The following SCP2 variants were observed in gnomAD, a reference collection of about 807,000 sequenced individuals.
The protein encoded by SCP2 is SCP-2/3-oxoacyl-CoA thiolase.
SCP2 carries 48 observed loss-of-function variants against 71.4 expected under a neutral mutation model. The observed-to-expected ratio is 0.67, with a 90% confidence interval of 0.53 to 0.86. SCP2 has a LOEUF of 0.86. SCP2 is among the 40% of genes least tolerant of loss of function. The pLI is 0.00. For synonymous variants in SCP2, 220 were observed against 218.1 expected (o/e 1.01, Z -0.08); for missense variants, 560 against 655.6 (o/e 0.85, Z 1.59).
At chr1:52,960,108 C>T (rs1034385528) in intron 5 of SCP2, among the ~76,000 whole-genome samples, 18 of 151,706 alleles carry the variant, frequency 1.2e-4, no homozygotes, top group African/African-American at 4.1e-4. Flanking sequence ...GCCAGGCTGG[C>T]CTCAAACTCC....
At chr1:52,991,772 G>GTT (rs542388470) in intron 11 of SCP2, among the ~76,000 whole-genome samples, 6 of 145,130 alleles carry the variant, frequency 4.1e-5, no homozygotes, top group Non-Finnish European at 9.1e-5. Flanking sequence ...CTTTAATTTG[G>GTT]TTTTTTTTTT....
chr1:52,982,076 G>T (rs976124331), intron 10 of SCP2, among the ~76,000 whole-genome samples: 2 of 151,526 alleles, frequency 1.3e-5, no homozygotes, highest in African/African-American at 4.9e-5. Flanking sequence ...TTATCCCAGT[G>T]GTTGCTATAG....
intron 12 of SCP2, among the ~76,000 whole-genome samples, chr1:53,024,898 T>A (rs1662012854): frequency 6.6e-6 from 1 of 151,972 alleles, no homozygotes; most frequent in African/African-American, 2.4e-5. Flanking sequence ...TTTAAGAGAT[T>A]AGTGAAAATA....
At chr1:53,027,211 C>T (rs1246775749) in intron 12 of SCP2, among the ~76,000 whole-genome samples, 1 of 151,856 alleles carries the variant, frequency 6.6e-6, no homozygotes, top group East Asian at 1.9e-4. Flanking sequence ...CGCACCACCA[C>T]ACCAGGCCAA....
intron 4 of SCP2, 103 bp from the exon 5 acceptor site, chr1:52,954,637 A>G (rs1328554746): frequency 1.0e-6 from 1 of 963,080 alleles, no homozygotes; most frequent in African/African-American, 1.6e-5. Flanking sequence ...AGTTCGAGCC[A>G]TTGTGTGCTC....
intron 5 of SCP2, among the ~76,000 whole-genome samples, chr1:52,958,464 C>T (rs1656027056): frequency 6.6e-6 from 1 of 152,132 alleles, no homozygotes; most frequent in Non-Finnish European, 1.5e-5. Context: ...CTCCCGACCT[C>T]AGGCGATCCA....
chr1:52,993,978 G>A, intron 11 of SCP2: 1 of 1,274,322 alleles, frequency 7.8e-7, no homozygotes, highest in Non-Finnish European at 1.0e-6. Context: ...AATACATCAA[G>A]TGTCTGTTCT....
intron 5 of SCP2, among the ~76,000 whole-genome samples, chr1:52,959,783 G>A (rs1273179418): frequency 6.6e-6 from 1 of 151,842 alleles, no homozygotes; most frequent in Middle Eastern, 3.4e-3. Context: ...TTCTTCTGGT[G>A]TTGGTAATTT....
At chr1:53,026,273 T>A (rs1662125447) in intron 12 of SCP2, among the ~76,000 whole-genome samples, 1 of 152,196 alleles carries the variant, frequency 6.6e-6, no homozygotes, top group Non-Finnish European at 1.5e-5. Flanking sequence ...TTTGAATTAT[T>A]CTCTTTTGAT....
chr1:53,018,960 T>A (rs1368132138), intron 12 of SCP2, among the ~76,000 whole-genome samples: 1 of 152,210 alleles, frequency 6.6e-6, no homozygotes, highest in Non-Finnish European at 1.5e-5. Context: ...TTCTTTGTAT[T>A]TCTTGACCAT....
At chr1:52,969,099 G>T (rs944949254) in intron 6 of SCP2, among the ~76,000 whole-genome samples, 3 of 151,342 alleles carry the variant, frequency 2.0e-5, no homozygotes, top group African/African-American at 7.3e-5. Context: ...TGCTGTCCCA[G>T]GTGGCAGAGA....
intron 1 of SCP2, among the ~76,000 whole-genome samples, chr1:52,929,797 T>G (rs574523042): frequency 8.7e-4 from 132 of 152,244 alleles, no homozygotes; most frequent in Admixed American, 2.2e-3. Context: ...TAATTTTTTG[T>G]ATTTTTTAGT....
intron 14 of SCP2, among the ~76,000 whole-genome samples, chr1:53,041,238 C>T (rs1348311304): frequency 6.6e-6 from 1 of 151,868 alleles, no homozygotes; most frequent in Non-Finnish European, 1.5e-5. Context: ...CCTGTCTCTA[C>T]TAAAAATACA....
chr1:52,960,275 T>G (rs2150139985), intron 5 of SCP2, among the ~76,000 whole-genome samples: 1 of 152,218 alleles, frequency 6.6e-6, no homozygotes, highest in East Asian at 1.9e-4. Flanking sequence ...CTCTCATTCT[T>G]GATGTTTCCT....
chr1:53,012,332 T>C (rs1348998688), intron 11 of SCP2, among the ~76,000 whole-genome samples: 1 of 152,266 alleles, frequency 6.6e-6, no homozygotes, highest in Non-Finnish European at 1.5e-5. Flanking sequence ...ATCATATTTC[T>C]ATAGGGCTGT....
intron 11 of SCP2, among the ~76,000 whole-genome samples, chr1:53,003,498 G>A (rs1289088331): frequency 6.6e-6 from 1 of 152,034 alleles, no homozygotes; most frequent in Non-Finnish European, 1.5e-5. Flanking sequence ...GAGATTATAG[G>A]CATGAGCCAT....
chr1:52,932,994 T>C (rs963917158), intron 1 of SCP2, among the ~76,000 whole-genome samples: 1 of 152,236 alleles, frequency 6.6e-6, no homozygotes, highest in African/African-American at 2.4e-5. Context: ...TTAAATGTTT[T>C]TCTGGCTCTG....
chr1:52,978,153 C>A, intron 8 of SCP2, 64 bp from the exon 9 acceptor site: 1 of 1,513,078 alleles, frequency 6.6e-7, no homozygotes. Flanking sequence ...AGAAGTAACT[C>A]CTAGTCTGAA....
chr1:52,943,633 G>A (rs7543483), intron 2 of SCP2: 7 of 430,058 alleles, frequency 1.6e-5, no homozygotes, highest in Admixed American at 5.1e-5. Flanking sequence ...AAAGGCCAAC[G>A]AGATAGGCCT....
Sources: allele counts gnomAD v4.1 joint callset (sites outside exome capture counted in the v4.1 genomes callset), GRCh38; gene constraint gnomAD v4.1.1; transcripts MANE v1.5; gene names NCBI Gene and HGNC (gene_info 2026-07-23, HGNC 2026-07-21).